NLGN1: variants seen among roughly 807,000 people sequenced by gnomAD.
NLGN1 encodes the protein neuroligin 1, also known as neuroligin-1.
In NLGN1, 12 loss-of-function variants were observed where a neutral mutation model predicts 65.5. The ratio of observed to expected loss-of-function variants is 0.18; its 90% confidence interval spans 0.12 to 0.30. NLGN1 has a LOEUF of 0.30. Ranked by LOEUF, NLGN1 falls within the 10% of genes least tolerant of loss-of-function variation. The pLI is 1.00. For missense variants in NLGN1, 750 were observed against 1,007.1 expected, an observed-to-expected ratio of 0.74 and a Z score of 3.46; for synonymous variants, 350 against 359.5, an observed-to-expected ratio of 0.97 and a Z score of 0.30.
chr3:173,612,189 C>A (rs1054072176), intron 3 of NLGN1, among the ~76,000 whole-genome samples: 1 of 152,050 alleles, frequency 6.6e-6, no homozygotes, highest in Non-Finnish European at 1.5e-5. Context: ...GTAACAATTC[C>A]GGAGAATCAT....
intron 2 of NLGN1, among the ~76,000 whole-genome samples, chr3:173,559,974 C>T (rs564274556): frequency 3.6e-4 from 49 of 135,858 alleles, no homozygotes; most frequent in African/African-American, 1.2e-3. Flanking sequence ...AGACGAGTCT[C>T]GCTCTGTCGC....
At chr3:174,095,632 A>G (rs1745368239) in intron 4 of NLGN1, among the ~76,000 whole-genome samples, 1 of 152,048 alleles carries the variant, frequency 6.6e-6, no homozygotes, top group African/African-American at 2.4e-5. Context: ...GTGTGTATAT[A>G]TGTATGTATA....
intron 3 of NLGN1, among the ~76,000 whole-genome samples, chr3:173,769,644 C>T (rs1281718023): frequency 6.6e-6 from 1 of 152,162 alleles, no homozygotes; most frequent in Non-Finnish European, 1.5e-5. Flanking sequence ...CATCCAAGGC[C>T]TGGCACAAAT....
intron 2 of NLGN1, among the ~76,000 whole-genome samples, chr3:173,540,894 G>T (rs995358244): frequency 2.6e-5 from 4 of 152,110 alleles, no homozygotes; most frequent in African/African-American, 9.7e-5. Context: ...GAAGGGTTTA[G>T]TTCATTCACA....
intron 4 of NLGN1, among the ~76,000 whole-genome samples, chr3:174,055,091 T>C (rs1735759237): frequency 6.6e-6 from 1 of 151,576 alleles, no homozygotes; most frequent in South Asian, 2.1e-4. Flanking sequence ...CAGCACCTAT[T>C]GCCTGGATCT....
intron 4 of NLGN1, among the ~76,000 whole-genome samples, chr3:174,116,422 C>T (rs1382037484): frequency 4.0e-5 from 6 of 148,838 alleles, no homozygotes; most frequent in Non-Finnish European, 1.5e-5. Context: ...ACTGCAACCT[C>T]CACCTTGCAG....
At chr3:173,509,379 C>T (rs1452791481) in intron 2 of NLGN1, among the ~76,000 whole-genome samples, 1 of 151,710 alleles carries the variant, frequency 6.6e-6, no homozygotes, top group Non-Finnish European at 1.5e-5. Flanking sequence ...TTTATTTTTT[C>T]AAATTTTTGA....
At chr3:173,731,869 T>G (rs894211964) in intron 3 of NLGN1, among the ~76,000 whole-genome samples, 3 of 152,016 alleles carry the variant, frequency 2.0e-5, no homozygotes, top group African/African-American at 7.2e-5. Flanking sequence ...AAAAAGACAT[T>G]TTTTGTAAAG....
chr3:173,782,125 G>A (rs1781263355), intron 3 of NLGN1, among the ~76,000 whole-genome samples: 1 of 151,978 alleles, frequency 6.6e-6, no homozygotes. Context: ...TTTGTCTAGG[G>A]TATATTGGGG....
At chr3:173,922,873 C>A (rs1742308386) in intron 4 of NLGN1, among the ~76,000 whole-genome samples, 1 of 152,052 alleles carries the variant, frequency 6.6e-6, no homozygotes, top group Non-Finnish European at 1.5e-5. Context: ...CCATTAAACT[C>A]TTTATTCTTC....
intron 4 of NLGN1, among the ~76,000 whole-genome samples, chr3:174,227,224 G>A (rs181967149): frequency 4.1e-4 from 63 of 152,084 alleles, no homozygotes; most frequent in Admixed American, 3.3e-3. Context: ...AAACATCTAC[G>A]GCAACTTTAA....
chr3:173,832,645 T>A (rs1427667172), intron 4 of NLGN1, among the ~76,000 whole-genome samples: 1 of 152,240 alleles, frequency 6.6e-6, no homozygotes, highest in Non-Finnish European at 1.5e-5. Context: ...TGTTGTCAAA[T>A]TTTGTTAACT....
At chr3:174,283,173 C>G (rs570558242) in exon 7 of NLGN1, 1 of 151,420 alleles carries the variant, frequency 6.6e-6, no homozygotes, top group African/African-American at 2.4e-5. Context: ...AGAAACATGA[C>G]TGTCTCAAAG....
At chr3:173,746,457 A>T (rs1775396191) in intron 3 of NLGN1, among the ~76,000 whole-genome samples, 1 of 151,842 alleles carries the variant, frequency 6.6e-6, no homozygotes, top group Non-Finnish European at 1.5e-5. Context: ...TCTCTCCTCC[A>T]CTTACTGACC....
chr3:174,121,671 A>G (rs1287549160), intron 4 of NLGN1, among the ~76,000 whole-genome samples: 1 of 152,164 alleles, frequency 6.6e-6, no homozygotes, highest in Non-Finnish European at 1.5e-5. Flanking sequence ...TCCAGTTCTC[A>G]TCACTGAATT....
intron 3 of NLGN1, among the ~76,000 whole-genome samples, chr3:173,616,116 A>G (rs1414869100): frequency 4.8e-4 from 1 of 2,104 alleles, no homozygotes; most frequent in African/African-American, 5.6e-3. Flanking sequence ...AGATTTTGAA[A>G]TAGAAGTTAC....
In NLGN1 at chr3:173,431,387, T is replaced by C. The variant is rs184490020; in HGVS notation, c.-389-3623T>C. On this transcript the variant is annotated intron_variant, in intron 1 of 6. Coordinates refer to ENST00000457714, the Ensembl canonical transcript of NLGN1. ...AAATATGGAGCAAACAATTTCTTTT[T>C]ATTCCTTATCAAATCTAGCACACAT... 9.4e-3 allele frequency among the ~76,000 whole-genome samples: 1,407 copies of C among 150,088 alleles called. 16 individuals carry two copies. Among genetic ancestry groups the C allele is most frequent in the African/African-American group, 0.034 (1,348 of 39,438 alleles).
chr3:173,831,100 T>C (rs1722467573), intron 4 of NLGN1, among the ~76,000 whole-genome samples: 1 of 152,172 alleles, frequency 6.6e-6, no homozygotes, highest in Non-Finnish European at 1.5e-5. Flanking sequence ...CCATCCATGT[T>C]GTTGCAAATG....
intron 4 of NLGN1, among the ~76,000 whole-genome samples, chr3:174,055,810 A>G (rs1476117451): frequency 6.6e-6 from 1 of 152,066 alleles, no homozygotes; most frequent in Non-Finnish European, 1.5e-5. Flanking sequence ...ATTGTCAGCA[A>G]TAATCATTCT....
Sources: allele counts gnomAD v4.1 joint callset (sites outside exome capture counted in the v4.1 genomes callset), GRCh38; gene constraint gnomAD v4.1.1; transcripts MANE v1.5; gene names NCBI Gene and HGNC (gene_info 2026-07-23, HGNC 2026-07-21).